ENTREP2: variants seen among roughly 807,000 people sequenced by gnomAD.
ENTREP2 encodes the protein endosomal transmembrane epsin interactor 2.
At chr15:29,236,962 A>G in the ENTREP2 span, among the ~76,000 whole-genome samples, 1 of 152,222 alleles carries the variant, frequency 6.6e-6, no homozygotes, top group African/African-American at 2.4e-5. Context: ...GTGAACTTAG[A>G]GCAAAAAATC....
the ENTREP2 span, among the ~76,000 whole-genome samples, chr15:29,396,321 C>CTT: frequency 8.8e-5 from 13 of 147,044 alleles, no homozygotes; most frequent in African/African-American, 1.5e-4. Context: ...ATGAGTTTGA[C>CTT]TTTTTTTTTT....
the ENTREP2 span, among the ~76,000 whole-genome samples, chr15:29,283,715 A>G: frequency 6.6e-6 from 1 of 152,220 alleles, no homozygotes; most frequent in African/African-American, 2.4e-5. Context: ...AGCAGAACTA[A>G]TGACAGATAC....
At chr15:29,552,772 A>G in the ENTREP2 span, among the ~76,000 whole-genome samples, 75,390 of 151,992 alleles carry the variant, frequency 0.5, 20,060 homozygotes, top group African/African-American at 0.71. Flanking sequence ...AAGAATTAGA[A>G]TAGTTAGCAA....
the ENTREP2 span, among the ~76,000 whole-genome samples, chr15:29,494,918 G>C: frequency 2.0e-5 from 3 of 152,140 alleles, no homozygotes; most frequent in African/African-American, 7.2e-5. Flanking sequence ...GTGTTTGTAT[G>C]TGTGTCACAT....
At chr15:29,637,817 G>T in the ENTREP2 span, among the ~76,000 whole-genome samples, 2 of 152,132 alleles carry the variant, frequency 1.3e-5, no homozygotes, top group Non-Finnish European at 2.9e-5. Flanking sequence ...CAGAGCGGAG[G>T]AGTCACCAAC....
the ENTREP2 span, among the ~76,000 whole-genome samples, chr15:29,193,795 C>T: frequency 6.6e-6 from 1 of 152,094 alleles, no homozygotes; most frequent in Non-Finnish European, 1.5e-5. Context: ...TTAGTCAAGA[C>T]CACAGGATAC....
chr15:29,156,043 G>T, the ENTREP2 span, among the ~76,000 whole-genome samples: 1 of 152,298 alleles, frequency 6.6e-6, no homozygotes, highest in Non-Finnish European at 1.5e-5. Context: ...AGCAGGCACA[G>T]GTGGGGCTGG....
At chr15:29,351,155 A>C in the ENTREP2 span, among the ~76,000 whole-genome samples, 1 of 152,200 alleles carries the variant, frequency 6.6e-6, no homozygotes, top group East Asian at 1.9e-4. Flanking sequence ...ATACATGCCT[A>C]GGCTATATGG....
chr15:29,388,763 A>C, the ENTREP2 span, among the ~76,000 whole-genome samples: 1 of 152,208 alleles, frequency 6.6e-6, no homozygotes, highest in South Asian at 2.1e-4. Context: ...CCACATATAC[A>C]ACATGGAATA....
chr15:29,377,376 C>T, the ENTREP2 span, among the ~76,000 whole-genome samples: 36 of 152,034 alleles, frequency 2.4e-4, no homozygotes, highest in Admixed American at 2.2e-3. Flanking sequence ...ATACCACCCA[C>T]GGCATCTGTG....
chr15:29,619,660 C>T, the ENTREP2 span, among the ~76,000 whole-genome samples: 1 of 151,956 alleles, frequency 6.6e-6, no homozygotes, highest in African/African-American at 2.4e-5. Context: ...ACAAATGGAA[C>T]TCTGACTGCT....
chr15:29,119,950 G>GTATT, the ENTREP2 span, among the ~76,000 whole-genome samples: 1 of 152,240 alleles, frequency 6.6e-6, no homozygotes, highest in East Asian at 1.9e-4. Context: ...TAAAAAACCT[G>GTATT]TATTTAAGGA....
chr15:29,433,846 C>T, the ENTREP2 span, among the ~76,000 whole-genome samples: 32 of 151,502 alleles, frequency 2.1e-4, no homozygotes, highest in African/African-American at 6.5e-4. Context: ...TTTCCTAAAG[C>T]GAACCACCCT....
the ENTREP2 span, among the ~76,000 whole-genome samples, chr15:29,516,968 C>CAAAAAAAAAA: frequency 3.4e-5 from 3 of 88,658 alleles, no homozygotes; most frequent in African/African-American, 1.4e-4. Context: ...AATTATGAGC[C>CAAAAAAAAAA]AAAAAAAAAA....
chr15:29,419,463 T>G, the ENTREP2 span, among the ~76,000 whole-genome samples: 1 of 151,788 alleles, frequency 6.6e-6, no homozygotes, highest in African/African-American at 2.4e-5. Flanking sequence ...AAAAAAAAAT[T>G]TAAGAGGATT....
the ENTREP2 span, chr15:29,136,493 T>C: frequency 5.8e-6 from 9 of 1,547,834 alleles, no homozygotes; most frequent in African/African-American, 8.2e-5. Context: ...AAAGTCCAGG[T>C]GGAGGCCCCT....
the ENTREP2 span, among the ~76,000 whole-genome samples, chr15:29,449,912 G>A: frequency 6.6e-6 from 1 of 152,158 alleles, no homozygotes; most frequent in African/African-American, 2.4e-5. Flanking sequence ...ACCGGTACCT[G>A]TTGTTTTTTG....
chr15:29,571,160 C>T, the ENTREP2 span, among the ~76,000 whole-genome samples: 1 of 151,006 alleles, frequency 6.6e-6, no homozygotes, highest in Non-Finnish European at 1.5e-5. Context: ...GGGGAAGGCG[C>T]AGGTGCGGTC....
the ENTREP2 span, among the ~76,000 whole-genome samples, chr15:29,332,447 A>G: frequency 6.6e-6 from 1 of 152,216 alleles, no homozygotes; most frequent in Admixed American, 6.5e-5. Flanking sequence ...AAAAAAAGGA[A>G]TAAATTCTCA....
Sources: allele counts gnomAD v4.1 joint callset (sites outside exome capture counted in the v4.1 genomes callset), GRCh38; gene constraint gnomAD v4.1.1; transcripts MANE v1.5; gene names NCBI Gene and HGNC (gene_info 2026-07-23, HGNC 2026-07-21).